Variants in NLRP4 observed in about 807,000 individuals in gnomAD.
NLRP4 encodes NLR family pyrin domain containing 4.
Under a neutral mutation model 84.7 loss-of-function variants are expected in NLRP4, and 44 were observed. That is an observed-to-expected ratio of 0.52 (90% CI 0.41 to 0.67). NLRP4 has a LOEUF of 0.67. Among genes scored for constraint, NLRP4 ranks in the 30% least tolerant of loss-of-function variants. The pLI is 0.00. For missense variants in NLRP4, 1,260 were observed against 1,219.4 expected (o/e 1.03, Z -0.50); for synonymous variants, 544 against 476.4 (o/e 1.14, Z -1.85).
At chr19:55,844,621 G>A (rs1161498041) in intron 1 of NLRP4, among the ~76,000 whole-genome samples, 1 of 152,090 alleles carries the variant, frequency 6.6e-6, no homozygotes, top group Non-Finnish European at 1.5e-5. Context: ...TGGATCGGGG[G>A]CCCACCCTGC....
In NLRP4 at chr19:55,857,813, T is replaced by C. The variant is rs1203135026; in HGVS notation, c.420T>C (p.Ala140=). The change falls in exon 3 of 10, where the codon GCT becomes GCC. Residue 140 remains alanine, a synonymous_variant. Transcript: ENST00000301295. ...GTGACCATTTGGACCGCCTTTTTGCTCCCAAGGAAGCTGGGAAACAGCCAC... is the reference window on the plus strand; with the variant it reads ...GTGACCATTTGGACCGCCTTTTTGCCCCCAAGGAAGCTGGGAAACAGCCAC... ...EECDHLDRLF[A]PKEAGKQPRT... 1 of 1,613,936 alleles carries C rather than the reference T, an allele frequency of 6.2e-7. No homozygotes were observed. Among genetic ancestry groups the C allele is most frequent in the Non-Finnish European group, 8.5e-7 (1 of 1,179,952 alleles).
Position 55,859,833 on chromosome 19 carries a change from C to A in NLRP4, c.1856+584C>A, listed in dbSNP as rs575692113. ...TCCCAGCTACTTGGGAGGCTGAGGCCGGAGAATCACTTGAGCCCGGGAGGC... is the reference window on the plus strand; with the variant it reads ...TCCCAGCTACTTGGGAGGCTGAGGCAGGAGAATCACTTGAGCCCGGGAGGC... On this transcript the variant is annotated intron_variant, in intron 3 of 9. Coordinates refer to ENST00000301295, the MANE Select transcript of NLRP4 (RefSeq NM_134444.5). Among the ~76,000 whole-genome samples, 146 of 136,526 alleles carry A rather than the reference C, an allele frequency of 1.1e-3. 1 individual carries two copies. The highest frequency in any genetic ancestry group is 3.3e-3 in the African/African-American group (123 of 37,246). The allele number at this position is 136,526 out of a possible 152,430, so 89.6% of individuals were successfully genotyped here.
intron 5 of NLRP4, among the ~76,000 whole-genome samples, chr19:55,866,155 T>C (rs1315464267): frequency 6.6e-6 from 1 of 152,130 alleles, no homozygotes; most frequent in Non-Finnish European, 1.5e-5. Flanking sequence ...TGCCTCAGCC[T>C]CCTGAGTAGC....
chr19:55,859,753 C>T (rs1984648803), intron 3 of NLRP4, among the ~76,000 whole-genome samples: 1 of 151,466 alleles, frequency 6.6e-6, no homozygotes, highest in African/African-American at 2.4e-5. Flanking sequence ...CATGGTGACA[C>T]CTCGTCTCCA....
At position 55,857,446 on chromosome 19, in the gene NLRP4, G is replaced by T. The variant is rs382657; in HGVS notation, c.281-228G>T. ...TTTGTGAGTCATACGGTCTCTCATA[G>T]CTGTTCAGCTCTGCTATTCAATCAG... On this transcript the variant is annotated intron_variant, in intron 2 of 9. Transcript: ENST00000301295. 0.42 allele frequency: 229,970 copies of T among 553,762 alleles called. 49,925 individuals carry two copies. The highest frequency in any genetic ancestry group is 0.66 in the East Asian group (22,977 of 34,764). 34.3% of individuals were successfully genotyped at this position (553,762 alleles called of 1,614,324 possible).
Position 55,881,498 on chromosome 19 carries a change from A to C in NLRP4, c.2896A>C (p.Thr966Pro). ...GAGAAAAACTGATTTTGATGAGGAAACCCAGGCACTTCTGACGGCTGAGGA... is the reference window on the plus strand; with the variant it reads ...GAGAAAAACTGATTTTGATGAGGAACCCCAGGCACTTCTGACGGCTGAGGA... ...GLRKTDFDEE[T>P]QALLTAEEER... The change falls in exon 10 of 10, where the codon ACC becomes CCC. Residue 966 changes from threonine (T) to proline (P), a missense_variant. Thr to Pro is a conservative substitution (Grantham distance 38, BLOSUM62 -1). Around this residue, in one of 3 missense-constraint regions of NLRP4, gnomAD observed 544 missense variants for 531.7 expected, o/e 1.02. Coordinates refer to ENST00000301295, the MANE Select transcript of NLRP4 (RefSeq NM_134444.5). 2 of 1,604,290 alleles carry C rather than the reference A, an allele frequency of 1.2e-6. No individual in the cohort carries two copies. The highest frequency in any genetic ancestry group is 4.5e-5 in the East Asian group (2 of 44,814).
chr19:55,853,773 CTCTCTT>C (rs1282578348), intron 2 of NLRP4, among the ~76,000 whole-genome samples: 1 of 150,644 alleles, frequency 6.6e-6, no homozygotes, highest in Non-Finnish European at 1.5e-5. Context: ...CTCTCTCTCT[CTCTCTT>C]TCTGTCTCTC....
intron 5 of NLRP4, among the ~76,000 whole-genome samples, chr19:55,865,968 T>G (rs1379002107): frequency 6.6e-6 from 1 of 152,238 alleles, no homozygotes; most frequent in Non-Finnish European, 1.5e-5. Flanking sequence ...GTGCTTTTGG[T>G]GCAATTGCTA....
chr19:55,850,708 CCCGAGGCTGCGGTGTACTTT>C lies in NLRP4; in HGVS notation c.-65-1288_-65-1269del, dbSNP rs1209543888. Among the ~76,000 whole-genome samples the C allele has an allele frequency of 7.7e-3, 605 of 78,070 alleles. 101 individuals are homozygous for C. Among genetic ancestry groups the C allele is most frequent in the Middle Eastern group, 0.022 (2 of 92 alleles). 51.2% of individuals were successfully genotyped at this position (78,070 alleles called of 152,430 possible). On this transcript the variant is annotated intron_variant, in intron 1 of 9. Coordinates refer to ENST00000301295, the MANE Select transcript of NLRP4 (RefSeq NM_134444.5). ...TAATGTCCGTGGCTGCGGTGTACTT[CCCGAGGCTGCGGTGTACTTT>C]CCGAGGCTGCGGTGTACTTCCCGAG...
intron 7 of NLRP4, among the ~76,000 whole-genome samples, chr19:55,875,529 T>C (rs1479450414): frequency 1.3e-5 from 2 of 152,196 alleles, no homozygotes; most frequent in African/African-American, 4.8e-5. Context: ...TATGATCAAA[T>C]TATGGTATAA....
intron 2 of NLRP4, chr19:55,857,383 C>T (rs1984481662): frequency 4.8e-6 from 2 of 415,184 alleles, no homozygotes; most frequent in East Asian, 3.6e-5. Context: ...AGTTGTCAAC[C>T]TTTTTGTGTA....
chr19:55,856,455 T>G, intron 2 of NLRP4, among the ~76,000 whole-genome samples: 1 of 151,584 alleles, frequency 6.6e-6, no homozygotes, highest in East Asian at 1.9e-4. Flanking sequence ...TGTACCTTGA[T>G]CTTAGCTACG....
intron 2 of NLRP4, among the ~76,000 whole-genome samples, chr19:55,855,487 C>T (rs1026067880): frequency 3.3e-5 from 5 of 152,192 alleles, no homozygotes; most frequent in African/African-American, 1.2e-4. Context: ...AGGATCTTCA[C>T]CAATGTCAGA....
chr19:55,861,820 G>A (rs1301181883), intron 4 of NLRP4, among the ~76,000 whole-genome samples, 172 bp from the exon 5 acceptor site: 1 of 152,122 alleles, frequency 6.6e-6, no homozygotes, highest in African/African-American at 2.4e-5. Flanking sequence ...TCCAGACACT[G>A]CCAGCTGTCC....
intron 2 of NLRP4, among the ~76,000 whole-genome samples, chr19:55,855,888 G>A (rs1354352401): frequency 6.6e-6 from 1 of 152,248 alleles, no homozygotes; most frequent in Non-Finnish European, 1.5e-5. Context: ...AGTGGGAGAT[G>A]GGAAGCTCAC....
chr19:55,841,891 A>G (rs1013802566), intron 1 of NLRP4, among the ~76,000 whole-genome samples: 5 of 152,166 alleles, frequency 3.3e-5, no homozygotes, highest in Non-Finnish European at 5.9e-5. Flanking sequence ...TGCAATAGAC[A>G]TGGAAGTAAG....
intron 1 of NLRP4, among the ~76,000 whole-genome samples, chr19:55,838,853 AATG>A (rs1313306670): frequency 1.6e-4 from 25 of 152,318 alleles, no homozygotes; most frequent in African/African-American, 5.8e-4. Context: ...AAATTAATAG[AATG>A]ATATTATCTA....
chr19:55,872,774 A>C (rs1985235258), intron 7 of NLRP4, among the ~76,000 whole-genome samples: 1 of 152,188 alleles, frequency 6.6e-6, no homozygotes, highest in African/African-American at 2.4e-5. Flanking sequence ...GAAGACTGAA[A>C]TTTTTCTGTA....
At position 55,858,140 on chromosome 19, in the gene NLRP4, T is replaced by C. The variant is rs148718955; in HGVS notation, c.747T>C (p.Gly249=). 4.8e-5 allele frequency: 77 copies of C among 1,613,856 alleles called. No individual in the cohort carries two copies. Among genetic ancestry groups the C allele is most frequent in the Non-Finnish European group, 5.9e-5 (70 of 1,179,994 alleles). ...ACGAACCCGATTCGGATCTGTGTGGTGACTTGATGGAGAAACGGCCGGTGC... is the reference window on the plus strand; with the variant it reads ...ACGAACCCGATTCGGATCTGTGTGGCGACTTGATGGAGAAACGGCCGGTGC... ...GLNEPDSDLC[G]DLMEKRPVQV... is the part of the protein sequence containing the mutation. Residue 249 remains glycine, a synonymous_variant, in exon 3 of 10, where the codon GGT becomes GGC. Coordinates refer to ENST00000301295, the MANE Select transcript of NLRP4 (RefSeq NM_134444.5). This position sits in a 1 kb window ranked among gnomAD's most constrained non-coding sequence, Gnocchi z 4.2.
Sources: allele counts gnomAD v4.1 joint callset (sites outside exome capture counted in the v4.1 genomes callset), GRCh38; gene constraint gnomAD v4.1.1; regional missense constraint gnomAD v4.1.1; non-coding constraint Gnocchi (gnomAD v3.1); transcripts MANE v1.5; gene names NCBI Gene and HGNC (gene_info 2026-07-23, HGNC 2026-07-21).